The following HIRA variants were observed in gnomAD, a reference collection of about 807,000 sequenced individuals.
The protein encoded by HIRA is protein HIRA.
In HIRA, 13 loss-of-function variants were observed where a neutral mutation model predicts 126.6. The observed-to-expected ratio is 0.10, with a 90% CI of 0.07 to 0.16. The LOEUF (loss-of-function observed/expected upper bound fraction) is 0.16, where lower values mean the gene tolerates loss of function less well. Ranked by LOEUF, HIRA falls within the 10% of genes least tolerant of loss-of-function variation. The pLI, the probability that HIRA is intolerant of heterozygous loss-of-function variation, is 1.00. For synonymous variants in HIRA, 511 were observed against 520.0 expected, an observed-to-expected ratio of 0.98 and a Z score of 0.24; for missense variants, 834 against 1,314.4, an observed-to-expected ratio of 0.63 and a Z score of 5.65.
At chr22:19,335,436 G>C (rs1433986806) in intron 24 of HIRA, among the ~76,000 whole-genome samples, 2 of 151,920 alleles carry the variant, frequency 1.3e-5, no homozygotes, top group Non-Finnish European at 2.9e-5. Flanking sequence ...GTAGAGATGG[G>C]GTTTCGCCAC....
intron 19 of HIRA, among the ~76,000 whole-genome samples, chr22:19,356,674 A>T (rs1468128261): frequency 1.3e-5 from 2 of 152,344 alleles, no homozygotes; most frequent in Middle Eastern, 3.4e-3. Flanking sequence ...ATAATCGAGC[A>T]GGCAAGCTGC....
intron 17 of HIRA, among the ~76,000 whole-genome samples, chr22:19,360,728 G>A (rs1425124825): frequency 6.6e-6 from 1 of 152,230 alleles, no homozygotes; most frequent in African/African-American, 2.4e-5. Flanking sequence ...TGGGTATAAA[G>A]GATTATTTAC....
intron 9 of HIRA, 111 bp from the exon 10 acceptor site, chr22:19,388,665 T>A: frequency 1.3e-6 from 1 of 786,790 alleles, no homozygotes; most frequent in East Asian, 2.7e-5. Flanking sequence ...CTGCTGATAT[T>A]TAAGGCATCT....
intron 5 of HIRA, among the ~76,000 whole-genome samples, chr22:19,400,207 T>C (rs2089256750): frequency 1.3e-5 from 2 of 152,260 alleles, no homozygotes; most frequent in Admixed American, 6.5e-5. Flanking sequence ...TTGTTAACCT[T>C]GAAAAATATT....
At chr22:19,334,124 G>A (rs1357471671) in intron 24 of HIRA, among the ~76,000 whole-genome samples, 1 of 151,668 alleles carries the variant, frequency 6.6e-6, no homozygotes, top group Admixed American at 6.6e-5. Flanking sequence ...ACAGGCGCCG[G>A]CCAGCACGCC....
chr22:19,431,622 G>A lies in HIRA; in HGVS notation c.-146C>T. ...GCGCCCTCAGGGCCGCCGCGCCATC[G>A]CCGGCCCGCGCCCCCCTCCGCCGCC... On this transcript the variant is annotated 5_prime_UTR_variant, in exon 1 of 25. Coordinates refer to ENST00000263208, the MANE Select transcript of HIRA (RefSeq NM_003325.4). The A allele has an allele frequency of 1.3e-6, 1 of 745,294 alleles. No homozygotes were observed. Among genetic ancestry groups the A allele is most frequent in the Non-Finnish European group, 1.6e-6 (1 of 608,066 alleles). 46.2% of individuals were successfully genotyped at this position (745,294 alleles called of 1,614,324 possible). A position where few individuals can be genotyped will look rare whatever the true frequency, so the allele number is the denominator to read the frequency against.
intron 11 of HIRA, 127 bp downstream of exon 11, chr22:19,387,584 C>G: frequency 1.6e-6 from 1 of 627,068 alleles, no homozygotes; most frequent in East Asian, 2.8e-5. Context: ...AGATGAATAC[C>G]CCATTACATG....
intron 1 of HIRA, among the ~76,000 whole-genome samples, chr22:19,418,471 A>G (rs112068888): frequency 0.074 from 11,248 of 151,658 alleles, 483 homozygotes; most frequent in Middle Eastern, 0.17. Flanking sequence ...AAAAATACAA[A>G]AAAAAAAAAT....
At position 19,369,358 on chromosome 22, in the gene HIRA, C is replaced by T. The variant is rs375554785; in HGVS notation, c.1775+6273G>A. Among the ~76,000 whole-genome samples, 15 of 152,186 alleles carry T rather than the reference C, an allele frequency of 9.9e-5. No individual in the cohort carries two copies. The South Asian group carries it at 1.0e-3, about 11-fold the overall frequency. On this transcript the variant is annotated intron_variant, in intron 15 of 24. Transcript: ENST00000263208. ...GGGTCTCACTGCCCAACCACTGTGACGCACAATGAAGGAACAACAGCAGGA... is the reference window on the plus strand; with the variant it reads ...GGGTCTCACTGCCCAACCACTGTGATGCACAATGAAGGAACAACAGCAGGA...
At chr22:19,364,416 AGTTGAAG>A (rs2088893742) in intron 15 of HIRA, among the ~76,000 whole-genome samples, 1 of 152,154 alleles carries the variant, frequency 6.6e-6, no homozygotes. Context: ...TTTTTTTACA[AGTTGAAG>A]GTTTGTGGCA....
At chr22:19,419,897 T>C (rs1011274576) in intron 1 of HIRA, among the ~76,000 whole-genome samples, 5 of 152,228 alleles carry the variant, frequency 3.3e-5, no homozygotes, top group African/African-American at 1.2e-4. Flanking sequence ...AGCCATCTGC[T>C]GCTGTTATCT....
intron 24 of HIRA, among the ~76,000 whole-genome samples, chr22:19,333,606 T>C (rs2088521180): frequency 6.6e-6 from 1 of 152,212 alleles, no homozygotes; most frequent in Non-Finnish European, 1.5e-5. Context: ...GAGGCTCTTG[T>C]ATTAGTAGAC....
chr22:19,341,689 A>C (rs1027746192), intron 24 of HIRA, among the ~76,000 whole-genome samples: 1 of 152,226 alleles, frequency 6.6e-6, no homozygotes. Context: ...AAACAAAAAT[A>C]CAGAGTGGGG....
intron 11 of HIRA, 79 bp from the exon 12 acceptor site, chr22:19,385,815 A>G: frequency 5.9e-6 from 8 of 1,358,548 alleles, no homozygotes; most frequent in Non-Finnish European, 8.2e-6. Flanking sequence ...GGCAAACTAC[A>G]GCAGGGCTCT....
intron 2 of HIRA, 58 bp downstream of exon 2, chr22:19,410,655 CAGG>C: frequency 2.5e-6 from 3 of 1,216,344 alleles, no homozygotes; most frequent in South Asian, 1.2e-5. Flanking sequence ...AAATGGACAG[CAGG>C]AGAAGAGCAA....
chr22:19,360,601 C>T (rs2088854100), intron 17 of HIRA, among the ~76,000 whole-genome samples: 1 of 152,080 alleles, frequency 6.6e-6, no homozygotes, highest in African/African-American at 2.4e-5. Flanking sequence ...GAAGGCTGCT[C>T]GAGGACACGC....
chr22:19,409,048 T>G (rs150032442), intron 2 of HIRA, among the ~76,000 whole-genome samples: 1 of 152,204 alleles, frequency 6.6e-6, no homozygotes, highest in Non-Finnish European at 1.5e-5. Context: ...CACACCCTAG[T>G]GGGGTTTCCC....
Position 19,394,393 on chromosome 22 carries a change from T to C in HIRA, c.771A>G (p.Gly257=), listed in dbSNP as rs1305729653. ...CAACAAAGTCCATGTTGGTCTTCCA[T>C]CCCTCCCGTTCGATGATCTGGGCAG... is the stretch of plus-strand genomic sequence containing the variant. ...GPTAQIIERE[G]WKTNMDFVGH... The change falls in exon 8 of 25, where the codon GGA becomes GGG. Residue 257 remains glycine, a synonymous_variant. Coordinates refer to ENST00000263208, the MANE Select transcript of HIRA (RefSeq NM_003325.4). 1 of 1,614,102 alleles carries C rather than the reference T, an allele frequency of 6.2e-7. No individual in the cohort carries two copies. The highest frequency in any genetic ancestry group is 1.3e-5 in the African/African-American group (1 of 75,004).
At chr22:19,360,215 A>G (rs893691696) in intron 17 of HIRA, among the ~76,000 whole-genome samples, 6 of 152,016 alleles carry the variant, frequency 3.9e-5, no homozygotes, top group African/African-American at 1.4e-4. Context: ...TGCCCCCTTC[A>G]CAGACCCAGA....
Sources: gnomAD v4.1 joint callset for allele counts (sites outside exome capture counted in the v4.1 genomes callset) on GRCh38, gnomAD v4.1.1 for gene constraint, MANE v1.5 for transcripts, NCBI Gene and HGNC (gene_info 2026-07-23, HGNC 2026-07-21) for gene names.